CAMTA1: variants seen among roughly 807,000 people sequenced by gnomAD.
CAMTA1 encodes the protein calmodulin-binding transcription activator 1.
In CAMTA1, 27 loss-of-function variants were observed where a neutral mutation model predicts 170.9. That is an observed-to-expected ratio of 0.16 (90% CI 0.12 to 0.22). The LOEUF (loss-of-function observed/expected upper bound fraction) is 0.22. Ranked by LOEUF, CAMTA1 falls within the 10% of genes least tolerant of loss-of-function variation. The pLI is 1.00. For synonymous variants in CAMTA1, 833 were observed against 891.5 expected (o/e 0.93, Z 1.17); for missense variants, 1,619 against 2,217.2 (o/e 0.73, Z 5.42).
intron 5 of CAMTA1, among the ~76,000 whole-genome samples, chr1:7,458,453 G>T (rs17030898): frequency 0.031 from 4,672 of 152,228 alleles, 111 homozygotes; most frequent in East Asian, 0.095. Context: ...TGTCCACTAT[G>T]GCAGAAAGAG....
intron 4 of CAMTA1, among the ~76,000 whole-genome samples, chr1:7,096,175 A>G (rs567572489): frequency 1.3e-5 from 2 of 152,338 alleles, no homozygotes; most frequent in East Asian, 3.9e-4. Flanking sequence ...GAGGGGGTCT[A>G]GAAGGAAAGG....
rs779649204 is a variant in CAMTA1, at chr1:7,736,320, G to C, written c.3067-24G>C. On this transcript the variant is annotated intron_variant, in intron 12 of 22. Coordinates refer to ENST00000303635, the MANE Select transcript of CAMTA1 (RefSeq NM_015215.4). This position sits in a 1 kb window ranked among gnomAD's most constrained non-coding sequence, Gnocchi z 4.5. ...GTCGAGGGCCTTTAGTCCTGAGGTC[G>C]TAACGTGCGCTTTTTTGTGACAGTG... The C allele has an allele frequency of 5.0e-6, 8 of 1,608,352 alleles. No homozygotes were observed. Among genetic ancestry groups the C allele is most frequent in the Non-Finnish European group, 6.8e-6 (8 of 1,176,864 alleles).
At chr1:7,524,614 TA>T (rs948895856) in intron 6 of CAMTA1, among the ~76,000 whole-genome samples, 8 of 152,140 alleles carry the variant, frequency 5.3e-5, no homozygotes, top group African/African-American at 1.9e-4. Context: ...AGGGATTTTG[TA>T]GATGCTTTTT....
chr1:7,420,185 C>T (rs564875415), intron 5 of CAMTA1, among the ~76,000 whole-genome samples: 13 of 152,216 alleles, frequency 8.5e-5, no homozygotes, highest in East Asian at 1.9e-4. Context: ...TTCACACTCA[C>T]GAGCCCATCC....
intron 11 of CAMTA1, among the ~76,000 whole-genome samples, chr1:7,692,708 G>A (rs555878758): frequency 6.6e-6 from 1 of 152,242 alleles, no homozygotes; most frequent in South Asian, 2.1e-4. Context: ...CCAGCCTCAG[G>A]TTGTCATTCA....
intron 4 of CAMTA1, among the ~76,000 whole-genome samples, chr1:7,193,718 T>C (rs1053227044): frequency 4.6e-5 from 7 of 152,116 alleles, no homozygotes; most frequent in Non-Finnish European, 8.8e-5. Context: ...AGGCAGTGGC[T>C]TTTCTGAGGG....
chr1:6,877,080 G>A (rs1670104673), intron 3 of CAMTA1, among the ~76,000 whole-genome samples: 1 of 152,200 alleles, frequency 6.6e-6, no homozygotes, highest in Middle Eastern at 3.2e-3. Context: ...TGTGTCCTTA[G>A]CTGAGTGAGA....
intron 3 of CAMTA1, among the ~76,000 whole-genome samples, chr1:6,869,813 CAG>C (rs1667862664): frequency 6.6e-6 from 1 of 152,130 alleles, no homozygotes; most frequent in South Asian, 2.1e-4. Flanking sequence ...TTCAGGCACT[CAG>C]AGCAATTCCT....
chr1:7,291,022 G>T (rs1673058992), intron 5 of CAMTA1, among the ~76,000 whole-genome samples: 1 of 152,128 alleles, frequency 6.6e-6, no homozygotes, highest in Non-Finnish European at 1.5e-5. Flanking sequence ...TTTTGTGTGG[G>T]ATGAAACATG....
At chr1:7,047,700 G>C (rs1705611136) in intron 3 of CAMTA1, among the ~76,000 whole-genome samples, 1 of 146,242 alleles carries the variant, frequency 6.8e-6, no homozygotes, top group Admixed American at 6.7e-5. Flanking sequence ...GTTGGCTTTG[G>C]CTTTCTCTCT....
intron 4 of CAMTA1, among the ~76,000 whole-genome samples, chr1:7,143,418 G>A (rs957958580): frequency 3.3e-5 from 5 of 152,222 alleles, no homozygotes; most frequent in Admixed American, 1.3e-4. Flanking sequence ...GGAGTAAGAT[G>A]TATGAAACCA....
At chr1:7,653,424 G>C (rs927395637) in intron 7 of CAMTA1, among the ~76,000 whole-genome samples, 5 of 152,054 alleles carry the variant, frequency 3.3e-5, no homozygotes, top group African/African-American at 9.7e-5. Context: ...CACCACACCA[G>C]ACTAATGTTT....
chr1:7,699,872 G>A (rs1422714776), intron 11 of CAMTA1, among the ~76,000 whole-genome samples: 1 of 152,038 alleles, frequency 6.6e-6, no homozygotes, highest in African/African-American at 2.4e-5. Flanking sequence ...TAAAAACTGG[G>A]TTCTTTGCTT....
chr1:7,525,083 C>T (rs1319913626), intron 6 of CAMTA1, among the ~76,000 whole-genome samples: 1 of 152,220 alleles, frequency 6.6e-6, no homozygotes, highest in Non-Finnish European at 1.5e-5. Flanking sequence ...CCCGCGTCGG[C>T]CCCCGTCGCG....
At chr1:7,026,923 C>T (rs772289843) in intron 3 of CAMTA1, among the ~76,000 whole-genome samples, 4 of 152,124 alleles carry the variant, frequency 2.6e-5, no homozygotes, top group Admixed American at 1.3e-4. Context: ...CCACTGTGTC[C>T]GGCCAGTAGC....
chr1:6,851,321 A>G (rs1169892467), intron 3 of CAMTA1, among the ~76,000 whole-genome samples: 1 of 152,200 alleles, frequency 6.6e-6, no homozygotes, highest in East Asian at 1.9e-4. Context: ...TTAGCAGTAC[A>G]TTAGTAATAA....
At chr1:7,161,051 C>A (rs2148759314) in intron 4 of CAMTA1, among the ~76,000 whole-genome samples, 1 of 152,296 alleles carries the variant, frequency 6.6e-6, no homozygotes, top group African/African-American at 2.4e-5. Flanking sequence ...TCCTTGCTCC[C>A]TCTCTTGCCC....
At chr1:7,559,516 A>G (rs1403566969) in intron 6 of CAMTA1, among the ~76,000 whole-genome samples, 1 of 152,226 alleles carries the variant, frequency 6.6e-6, no homozygotes, top group Non-Finnish European at 1.5e-5. Flanking sequence ...AGCAGAGGGA[A>G]GCGGGGAGCC....
At position 7,663,460 on chromosome 1, in the gene CAMTA1, C is replaced by T; in HGVS notation, c.913C>T (p.His305Tyr). 1.3e-6 allele frequency: 2 copies of T among 1,592,828 alleles called. No individual in the cohort carries two copies. The highest frequency in any genetic ancestry group is 1.7e-6 in the Non-Finnish European group (2 of 1,165,518). The change falls in exon 9 of 23, where the codon CAC becomes TAC. Residue 305 changes from histidine (H) to tyrosine (Y), a missense_variant. His to Tyr is a moderately conservative substitution (Grantham distance 83, BLOSUM62 2). This residue lies in a region of CAMTA1 where 731 missense variants were observed against 907.6 expected (regional missense o/e 0.81). Transcript: ENST00000303635. ...GTACGGGAGCCACTCGGAGGTGCAG[C>T]ACAATGACGTGTCGGAGGGCAAGCA... ...GGYGSHSEVQ[H>Y]NDVSEGKHEH...
Sources: allele counts gnomAD v4.1 joint callset (sites outside exome capture counted in the v4.1 genomes callset), GRCh38; gene constraint gnomAD v4.1.1; regional missense constraint gnomAD v4.1.1; non-coding constraint Gnocchi (gnomAD v3.1); transcripts MANE v1.5; gene names NCBI Gene and HGNC (gene_info 2026-07-23, HGNC 2026-07-21).